The following DNAH10 variants were observed in gnomAD, a reference collection of about 807,000 sequenced individuals.
The protein encoded by DNAH10 is axonemal beta dynein heavy chain 10.
Under a neutral mutation model 506.6 loss-of-function variants are expected in DNAH10, and 348 were observed. The observed-to-expected ratio is 0.69, with a 90% CI of 0.63 to 0.75. DNAH10 has a LOEUF of 0.75. Among genes scored for constraint, DNAH10 ranks in the 30% least tolerant of loss-of-function variants. The probability of loss-of-function intolerance (pLI) is 0.00; values close to 1 mark genes in which losing one functional copy is unlikely to be tolerated. For synonymous variants in DNAH10, 2,059 were observed against 2,198.6 expected (o/e 0.94, Z 1.78); for missense variants, 5,179 against 5,787.1 (o/e 0.89, Z 3.41).
rs369214932 is a variant in DNAH10, at chr12:123,853,301, G to C, written c.6387G>C (p.Ser2129=). ...ATTTTGGACTCAGAGCCCTGAAATCGGTGCTGGTCATGGCTGGTGAGCTGA... is the reference window on the plus strand; with the variant it reads ...ATTTTGGACTCAGAGCCCTGAAATCCGTGCTGGTCATGGCTGGTGAGCTGA... The part of the protein sequence containing the change: ...HYDFGLRALK[S]VLVMAGELKR... Residue 2129 remains serine (S), a synonymous_variant, in exon 36 of 79, where the codon TCG becomes TCC. Transcript: ENST00000673944. This position sits in a 1 kb window ranked among gnomAD's most constrained non-coding sequence, Gnocchi z 4.7. 2 of 1,612,360 alleles carry C rather than the reference G, an allele frequency of 1.2e-6. No homozygotes were observed. The highest frequency in any genetic ancestry group is 3.3e-5 in the Admixed American group (2 of 59,846).
chr12:123,926,247 A>G lies in DNAH10; in HGVS notation c.11922-390A>G, dbSNP rs1379277571. On this transcript the variant is annotated intron_variant, in intron 68 of 78. Coordinates refer to ENST00000673944, the MANE Select transcript of DNAH10 (RefSeq NM_001372106.1). This position sits in a 1 kb window ranked among gnomAD's most constrained non-coding sequence, Gnocchi z 4.1. ...TTATATATTTCAATTTAAAAAAAAA[A>G]AAAAAAAAGAAAAAGAAAAAACCCA... Among the ~76,000 whole-genome samples the G allele has an allele frequency of 3.3e-5, 5 of 151,334 alleles. No individual in the cohort carries two copies. The East Asian group carries it at 5.8e-4, about 18-fold the overall frequency.
chr12:123,865,224 CT>C (rs1274078320), intron 40 of DNAH10, among the ~76,000 whole-genome samples: 2 of 151,844 alleles, frequency 1.3e-5, no homozygotes, highest in Non-Finnish European at 2.9e-5. Flanking sequence ...AATTGCCTTC[CT>C]TTTTTTCCCT....
intron 11 of DNAH10, 90 bp downstream of exon 11, chr12:123,790,211 C>T (rs201554657): frequency 2.8e-6 from 3 of 1,052,738 alleles, no homozygotes; most frequent in Admixed American, 2.7e-5. Context: ...GATGCTTAGT[C>T]TTTTTTTTTA....
intron 18 of DNAH10, among the ~76,000 whole-genome samples, chr12:123,805,688 C>T (rs1958641956): frequency 6.6e-6 from 1 of 152,118 alleles, no homozygotes; most frequent in Non-Finnish European, 1.5e-5. Context: ...TTTTATCATG[C>T]AGTGTCTTCC....
chr12:123,793,206 T>G (rs1055404216), intron 11 of DNAH10, among the ~76,000 whole-genome samples: 1 of 152,164 alleles, frequency 6.6e-6, no homozygotes, highest in Non-Finnish European at 1.5e-5. Context: ...CTCACCTTCA[T>G]GCACACTGAC....
intron 36 of DNAH10, among the ~76,000 whole-genome samples, 190 bp from the exon 37 acceptor site, chr12:123,856,861 ATTAAT>A (rs1310302827): frequency 6.7e-6 from 1 of 149,550 alleles, no homozygotes; most frequent in East Asian, 1.9e-4. Context: ...TTAAATTTAA[ATTAAT>A]TTAAATTAAT....
chr12:123,813,890 C>A lies in DNAH10; in HGVS notation c.3758C>A (p.Thr1253Asn), dbSNP rs1233452501. ...AGGGACGTCCAGGAGCGATACCGTA[C>A]CATGGCAATGTATAACCTCTTTGTA... The part of the protein sequence containing the change: ...RYRDVQERYR[T>N]MAMYNLFPPD... Residue 1253 changes from threonine to asparagine, a missense_variant, in exon 21 of 79, where the codon ACC (threonine) becomes AAC (asparagine). Coordinates refer to ENST00000673944, the MANE Select transcript of DNAH10 (RefSeq NM_001372106.1). 1.9e-6 allele frequency: 3 copies of A among 1,597,966 alleles called. No individual in the cohort carries two copies. The highest frequency in any genetic ancestry group is 3.3e-4 in the Middle Eastern group (2 of 6,012).
intron 3 of DNAH10, 105 bp downstream of exon 3, chr12:123,771,803 G>A: frequency 9.9e-7 from 1 of 1,011,168 alleles, no homozygotes. Flanking sequence ...TTATCATGTT[G>A]GAATGGAAAT....
intron 5 of DNAH10, among the ~76,000 whole-genome samples, chr12:123,775,691 A>AC (rs762615505): frequency 3.9e-5 from 6 of 152,132 alleles, no homozygotes; most frequent in Non-Finnish European, 8.8e-5. Context: ...GGCAGGTTTA[A>AC]GCAGGGGAAC....
intron 47 of DNAH10, among the ~76,000 whole-genome samples, chr12:123,876,199 G>A (rs185673399): frequency 1.0e-3 from 159 of 152,272 alleles, no homozygotes; most frequent in Admixed American, 1.2e-3. Flanking sequence ...CACCTGGCCC[G>A]TTCATGCCCT....
chr12:123,848,605 C>T (rs1211988258), intron 33 of DNAH10, 125 bp from the exon 34 acceptor site: 1 of 1,333,834 alleles, frequency 7.5e-7, no homozygotes, highest in Non-Finnish European at 1.0e-6. Flanking sequence ...AGTGGCTGGT[C>T]ACCTGCTTCT....
intron 52 of DNAH10, among the ~76,000 whole-genome samples, chr12:123,887,530 A>T (rs1471176113): frequency 6.6e-6 from 1 of 151,932 alleles, no homozygotes; most frequent in Non-Finnish European, 1.5e-5. Flanking sequence ...TCCGTCTGCG[A>T]TGATGGCAGT....
intron 24 of DNAH10, among the ~76,000 whole-genome samples, chr12:123,822,415 A>G (rs1255992988): frequency 1.3e-5 from 2 of 152,068 alleles, no homozygotes; most frequent in Non-Finnish European, 1.5e-5. Flanking sequence ...GAGACTGACT[A>G]TGTTAGTCTG....
At chr12:123,868,287 G>T (rs1161730772) in intron 43 of DNAH10, among the ~76,000 whole-genome samples, 168 bp downstream of exon 43, 1 of 152,152 alleles carries the variant, frequency 6.6e-6, no homozygotes. Flanking sequence ...CCCAGGAGCG[G>T]TTCACATGCA....
intron 40 of DNAH10, 93 bp from the exon 41 acceptor site, chr12:123,865,858 A>T: frequency 2.4e-6 from 3 of 1,274,352 alleles, no homozygotes. Context: ...GATTTCATGC[A>T]GTTGTAAAAA....
chr12:123,855,919 A>G (rs2078808132), intron 36 of DNAH10, among the ~76,000 whole-genome samples: 1 of 149,752 alleles, frequency 6.7e-6, no homozygotes. Flanking sequence ...TTTTACATTT[A>G]TATACAATTT....
At chr12:123,848,677 T>G in intron 33 of DNAH10, 53 bp from the exon 34 acceptor site, 1 of 1,605,112 alleles carries the variant, frequency 6.2e-7, no homozygotes, top group South Asian at 1.1e-5. Flanking sequence ...AATGTGTTGC[T>G]TGCAGTTTTA....
chr12:123,770,404 A>G (rs1957206681), intron 2 of DNAH10, among the ~76,000 whole-genome samples: 1 of 151,468 alleles, frequency 6.6e-6, no homozygotes, highest in African/African-American at 2.4e-5. Flanking sequence ...TTTTTTGTAG[A>G]GATTAGAGAC....
At position 123,887,174 on chromosome 12, in the gene DNAH10, G is replaced by A. The variant is rs748677316; in HGVS notation, c.8856G>A (p.Ser2952=). ...VFEILLSRGY[S]ENSFREDLKS... ...AGATCCTGCTGAGCCGAGGCTACTC[G>A]GAGAACAGTTTCCGGGAAGACCTGA... The change falls in exon 52 of 79, where the codon TCG becomes TCA. Residue 2952 remains serine (S), a synonymous_variant. Coordinates refer to ENST00000673944, the MANE Select transcript of DNAH10 (RefSeq NM_001372106.1). 1.7e-5 allele frequency: 28 copies of A among 1,612,040 alleles called. No homozygotes were observed. Among genetic ancestry groups the A allele is most frequent in the African/African-American group, 6.7e-5 (5 of 74,902 alleles).
Sources: gnomAD v4.1 joint callset for allele counts (sites outside exome capture counted in the v4.1 genomes callset) on GRCh38, gnomAD v4.1.1 for gene constraint, Gnocchi (gnomAD v3.1) non-coding constraint, MANE v1.5 for transcripts, NCBI Gene and HGNC (gene_info 2026-07-23, HGNC 2026-07-21) for gene names.